The following FRMPD3 variants were observed in gnomAD, a reference collection of about 807,000 sequenced individuals.
FRMPD3 encodes the protein FERM and PDZ domain-containing protein 3.
In FRMPD3, 42 loss-of-function variants were observed where a neutral mutation model predicts 97.9. That is an observed-to-expected ratio of 0.43 (90% CI 0.34 to 0.55). FRMPD3 has a LOEUF of 0.55. Ranked by LOEUF, FRMPD3 falls within the 20% of genes least tolerant of loss-of-function variation. FRMPD3 has a pLI of 0.03. For synonymous variants in FRMPD3, 577 were observed against 581.1 expected (o/e 0.99, Z 0.10); for missense variants, 1,303 against 1,457.7 (o/e 0.89, Z 1.73).
intron 4 of FRMPD3, 188 bp from the exon 5 acceptor site, chrX:107,545,549 A>C: frequency 2.5e-6 from 1 of 394,398 alleles, no homozygotes; most frequent in Non-Finnish European, 4.4e-6. Flanking sequence ...CTGTTTCAGA[A>C]CACACCAATT....
chrX:107,488,901 T>C (rs192207214), intron 1 of FRMPD3, among the ~76,000 whole-genome samples: 1,261 of 109,030 alleles, frequency 0.012, 21 homozygotes, highest in African/African-American at 0.04. Context: ...TTGTTACATA[T>C]GTATACATGT....
chrX:107,503,033 G>T (rs965284989), intron 1 of FRMPD3, among the ~76,000 whole-genome samples: 1 of 111,524 alleles, frequency 9.0e-6, no homozygotes, highest in African/African-American at 3.3e-5. Flanking sequence ...TCATCCTAGG[G>T]CAGATATAAT....
chrX:107,511,268 G>T (rs1429310776), intron 1 of FRMPD3, among the ~76,000 whole-genome samples: 2 of 112,261 alleles, frequency 1.8e-5, no homozygotes, highest in Admixed American at 9.4e-5. Flanking sequence ...AGGCTATTGT[G>T]TTCATGCCTC....
At chrX:107,530,556 T>C (rs1278133569) in intron 3 of FRMPD3, 45 bp downstream of exon 3, 1 of 927,833 alleles carries the variant, frequency 1.1e-6, no homozygotes, top group Non-Finnish European at 1.5e-6. Context: ...TCCCCACCCC[T>C]GACTCACCAG....
chrX:107,464,956 C>T (rs1341064148), intron 1 of FRMPD3, among the ~76,000 whole-genome samples: 1 of 111,494 alleles, frequency 9.0e-6, no homozygotes, highest in African/African-American at 3.3e-5. Context: ...TTTCTAATAC[C>T]GTGCACAATA....
intron 8 of FRMPD3, among the ~76,000 whole-genome samples, chrX:107,556,907 T>C (rs754391112): frequency 1.8e-5 from 2 of 112,557 alleles, no homozygotes; most frequent in South Asian, 7.4e-4. Context: ...TTTTAGTTAT[T>C]ACAATAAAGC....
chrX:107,518,870 A>T (rs770715012), intron 1 of FRMPD3, among the ~76,000 whole-genome samples: 2 of 112,732 alleles, frequency 1.8e-5, no homozygotes, highest in East Asian at 5.5e-4. Context: ...TGATACATAC[A>T]TACAATGGAC....
At chrX:107,557,664 C>A (rs1602813947) in intron 8 of FRMPD3, among the ~76,000 whole-genome samples, 1 of 87,161 alleles carries the variant, frequency 1.1e-5, no homozygotes, top group Non-Finnish European at 2.2e-5. Flanking sequence ...ATCAAAGTTT[C>A]GTGTGTGTGT....
At chrX:107,457,391 T>C (rs1328827145) in intron 1 of FRMPD3, among the ~76,000 whole-genome samples, 3 of 111,839 alleles carry the variant, frequency 2.7e-5, no homozygotes, top group Admixed American at 9.5e-5. Context: ...GGATAGTATA[T>C]ACAATTCTGG....
chrX:107,493,892 C>A (rs1234499142), intron 1 of FRMPD3, among the ~76,000 whole-genome samples: 1 of 111,741 alleles, frequency 8.9e-6, no homozygotes, highest in Non-Finnish European at 1.9e-5. Context: ...TGCATCCATT[C>A]TGTACAGTAA....
At chrX:107,458,523 G>C (rs1038744720) in intron 1 of FRMPD3, among the ~76,000 whole-genome samples, 1 of 111,542 alleles carries the variant, frequency 9.0e-6, no homozygotes, top group East Asian at 2.8e-4. Flanking sequence ...AGGCTTCTGA[G>C]GGGGAGGCAC....
At chrX:107,557,910 C>T (rs1285072104) in intron 8 of FRMPD3, among the ~76,000 whole-genome samples, 2 of 98,467 alleles carry the variant, frequency 2.0e-5, no homozygotes, top group Non-Finnish European at 4.1e-5. Context: ...ACATCACACT[C>T]TTGATTACTG....
chrX:107,451,023 A>G (rs1931278569), intron 1 of FRMPD3, among the ~76,000 whole-genome samples: 1 of 111,245 alleles, frequency 9.0e-6, no homozygotes, highest in Non-Finnish European at 1.9e-5. Flanking sequence ...CACACACCAC[A>G]GCCCCATACA....
chrX:107,474,131 C>T (rs780727508), intron 1 of FRMPD3, among the ~76,000 whole-genome samples: 4 of 112,121 alleles, frequency 3.6e-5, no homozygotes. Flanking sequence ...CACAGTCTTC[C>T]TCCCAGAGAT....
rs183212374 is a variant in FRMPD3 at position 107,480,093 on chromosome X, G to C, written c.-8+30088G>C. On this transcript the variant is annotated intron_variant, in intron 1 of 14. Coordinates refer to ENST00000683843, the MANE Select transcript of FRMPD3 (RefSeq NM_001388459.1). ...TGGTCTTAAGGATACTTTAGCTGCT[G>C]TGTATATTTGAAAATATTCATAATA... Among the ~76,000 whole-genome samples the C allele has an allele frequency of 3.4e-3, 372 of 110,281 alleles. 4 individuals are homozygous for C. Among genetic ancestry groups the C allele is most frequent in the African/African-American group, 0.012 (351 of 30,304 alleles).
chrX:107,505,921 T>C (rs1922018870), intron 1 of FRMPD3, among the ~76,000 whole-genome samples: 1 of 111,605 alleles, frequency 9.0e-6, no homozygotes, highest in South Asian at 3.8e-4. Context: ...ACGAGGATTC[T>C]CTCCACGTTG....
chrX:107,513,884 T>C (rs748744647), intron 1 of FRMPD3, among the ~76,000 whole-genome samples: 1 of 112,191 alleles, frequency 8.9e-6, no homozygotes, highest in African/African-American at 3.2e-5. Flanking sequence ...AGTTCCTACT[T>C]TTATGGGGTT....
At chrX:107,503,848 G>A (rs1238947268) in intron 1 of FRMPD3, among the ~76,000 whole-genome samples, 1 of 111,961 alleles carries the variant, frequency 8.9e-6, no homozygotes, top group Non-Finnish European at 1.9e-5. Context: ...TGAATCCAGG[G>A]TTCAGGCCAC....
chrX:107,576,305 T>A lies in FRMPD3; in HGVS notation c.1297-10T>A. 1 of 1,208,401 alleles carries A rather than the reference T, an allele frequency of 8.3e-7. No homozygotes were observed. The highest frequency in any genetic ancestry group is 1.7e-5 in the African/African-American group (1 of 57,722). On this transcript the variant is annotated splice_polypyrimidine_tract_variant and intron_variant, in intron 12 of 14. Transcript: ENST00000683843. ...CCATGTCTTCATGTTTCTTCCCTTC[T>A]CTTCTGCAGCCTCTGGTGCTGTTGA...
Sources: allele counts gnomAD v4.1 joint callset (sites outside exome capture counted in the v4.1 genomes callset), GRCh38; gene constraint gnomAD v4.1.1; transcripts MANE v1.5; gene names NCBI Gene and HGNC (gene_info 2026-07-23, HGNC 2026-07-21).